DNAI4: variants seen among roughly 807,000 people sequenced by gnomAD.
DNAI4 encodes the protein WD repeat domain 78.
Under a neutral mutation model 105.8 loss-of-function variants are expected in DNAI4, and 85 were observed. The ratio of observed to expected loss-of-function variants is 0.80; its 90% CI spans 0.67 to 0.96. The LOEUF (loss-of-function observed/expected upper bound fraction) is 0.96, where lower values mean the gene tolerates loss of function less well. Among genes scored for constraint, DNAI4 ranks in the 40% least tolerant of loss-of-function variants. The pLI, the probability that DNAI4 is intolerant of heterozygous loss-of-function variation, is 0.00. For missense variants in DNAI4, 1,014 were observed against 1,005.6 expected (o/e 1.01, Z -0.11); for synonymous variants, 352 against 331.5 (o/e 1.06, Z -0.67).
intron 6 of DNAI4, among the ~76,000 whole-genome samples, chr1:66,865,894 A>C (rs1646722337): frequency 6.6e-6 from 1 of 152,228 alleles, no homozygotes; most frequent in African/African-American, 2.4e-5. Flanking sequence ...GGTTCACAAA[A>C]AGGGAGGAGT....
At chr1:66,902,485 A>G (rs1336074054) in intron 2 of DNAI4, among the ~76,000 whole-genome samples, 1 of 152,106 alleles carries the variant, frequency 6.6e-6, no homozygotes, top group Non-Finnish European at 1.5e-5. Context: ...TAATTTGCAA[A>G]TATTTTGTAC....
intron 6 of DNAI4, among the ~76,000 whole-genome samples, chr1:66,863,698 T>C (rs1423882825): frequency 6.6e-6 from 1 of 152,168 alleles, no homozygotes; most frequent in Non-Finnish European, 1.5e-5. Context: ...CCTTAAGTGA[T>C]CCACCTGCCT....
At chr1:66,900,662 C>T (rs529098954) in intron 2 of DNAI4, among the ~76,000 whole-genome samples, 6 of 152,222 alleles carry the variant, frequency 3.9e-5, no homozygotes, top group African/African-American at 1.4e-4. Flanking sequence ...GTTTTTGATG[C>T]TATTGTGAAA....
intron 16 of DNAI4, among the ~76,000 whole-genome samples, chr1:66,818,646 C>T (rs1378700352): frequency 2.0e-5 from 3 of 152,062 alleles, no homozygotes; most frequent in African/African-American, 4.8e-5. Flanking sequence ...TGGCCAGGTG[C>T]GGTGGCTCAC....
chr1:66,908,543 T>C (rs1379745686), intron 1 of DNAI4, among the ~76,000 whole-genome samples: 1 of 152,224 alleles, frequency 6.6e-6, no homozygotes, highest in African/African-American at 2.4e-5. Context: ...TAGTCCCCTG[T>C]GGTGTGGTGG....
chr1:66,837,588 A>C, intron 10 of DNAI4, 122 bp downstream of exon 10: 1 of 1,193,426 alleles, frequency 8.4e-7, no homozygotes, highest in South Asian at 1.6e-5. Context: ...GTTAAACCAA[A>C]GAAAATAGTC....
chr1:66,893,069 G>GAA (rs56959058), intron 3 of DNAI4, among the ~76,000 whole-genome samples, 160 bp downstream of exon 3: 6 of 119,126 alleles, frequency 5.0e-5, no homozygotes, highest in African/African-American at 2.0e-4. Flanking sequence ...GAGAGAGAAA[G>GAA]AAAGAAAGAA....
chr1:66,851,126 G>C (rs375958234), intron 7 of DNAI4, among the ~76,000 whole-genome samples: 1 of 151,736 alleles, frequency 6.6e-6, no homozygotes, highest in Non-Finnish European at 1.5e-5. Context: ...ATACAATGTA[G>C]ATAGGTTGAA....
At chr1:66,905,022 T>TA (rs1178585633) in intron 2 of DNAI4, 179 bp downstream of exon 2, 1 of 455,582 alleles carries the variant, frequency 2.2e-6, no homozygotes, top group Admixed American at 4.1e-5. Flanking sequence ...AATAACTAGT[T>TA]ATAGGAGCCA....
intron 6 of DNAI4, among the ~76,000 whole-genome samples, chr1:66,867,933 A>C (rs1343867788): frequency 6.6e-6 from 1 of 152,190 alleles, no homozygotes; most frequent in Non-Finnish European, 1.5e-5. Context: ...ACCTGAAAGC[A>C]AAAATTTTGC....
chr1:66,814,668 A>G (rs2173397), intron 16 of DNAI4, among the ~76,000 whole-genome samples: 97,176 of 152,088 alleles, frequency 0.64, 31,386 homozygotes, highest in East Asian at 0.77. Flanking sequence ...GCGCCTGGCC[A>G]AAAGACTCTT....
At chr1:66,923,166 A>G (rs892808270) in intron 1 of DNAI4, among the ~76,000 whole-genome samples, 1 of 152,256 alleles carries the variant, frequency 6.6e-6, no homozygotes, top group Admixed American at 6.5e-5. Context: ...TATTCAGTAC[A>G]GTAACATGCT....
rs1052081011 is a variant in DNAI4, at chr1:66,894,667, A to G, written c.346-1254T>C. Among the ~76,000 whole-genome samples the G allele has an allele frequency of 2.6e-5, 4 of 152,120 alleles. No homozygotes were observed. The East Asian group carries it at 7.7e-4, about 29-fold the overall frequency. On this transcript the variant is annotated intron_variant, in intron 2 of 16. Transcript: ENST00000371026. ...AAGAAAGCCAATATATTTTTGTTTT[A>G]TAAGAACATCCAATTGTCTCAACAA...
At chr1:66,907,367 T>C (rs1649338226) in intron 1 of DNAI4, among the ~76,000 whole-genome samples, 1 of 152,204 alleles carries the variant, frequency 6.6e-6, no homozygotes, top group African/African-American at 2.4e-5. Context: ...TAATCTTTAA[T>C]CCACAATTTA....
chr1:66,865,601 C>T (rs1372740983), intron 6 of DNAI4, among the ~76,000 whole-genome samples: 1 of 152,170 alleles, frequency 6.6e-6, no homozygotes, highest in Non-Finnish European at 1.5e-5. Context: ...ACTAAATGGA[C>T]TTGCTAATTC....
chr1:66,836,166 A>AAG (rs1645986973), intron 10 of DNAI4, among the ~76,000 whole-genome samples: 5 of 50,714 alleles, frequency 9.9e-5, no homozygotes, highest in African/African-American at 3.4e-4. Context: ...GAAAGAAAGA[A>AAG]AGAAAGAAAG....
At chr1:66,852,826 C>T (rs1284270653) in intron 7 of DNAI4, among the ~76,000 whole-genome samples, 1 of 152,098 alleles carries the variant, frequency 6.6e-6, no homozygotes, top group East Asian at 1.9e-4. Context: ...AGAGTGGAGC[C>T]CTCATGAATG....
intron 4 of DNAI4, among the ~76,000 whole-genome samples, chr1:66,875,290 A>G (rs1370841277): frequency 6.6e-6 from 1 of 152,200 alleles, no homozygotes; most frequent in African/African-American, 2.4e-5. Context: ...AGGGGGCATA[A>G]TAAGCAACAC....
At chr1:66,870,837 T>G (rs1646831177) in intron 6 of DNAI4, 1 of 151,632 alleles carries the variant, frequency 6.6e-6, no homozygotes, top group African/African-American at 2.4e-5. Context: ...ATTTTGGCTA[T>G]GCAATGTGCT....
Sources: gnomAD v4.1 joint callset for allele counts (sites outside exome capture counted in the v4.1 genomes callset) on GRCh38, gnomAD v4.1.1 for gene constraint, MANE v1.5 for transcripts, NCBI Gene and HGNC (gene_info 2026-07-23, HGNC 2026-07-21) for gene names.